The following HMGXB4 variants were observed in gnomAD, a reference collection of about 807,000 sequenced individuals.
HMGXB4 encodes HMG domain-containing protein 4.
A neutral mutation model predicts 63.9 loss-of-function variants in HMGXB4; 27 were observed. That is an observed-to-expected ratio of 0.42 (90% CI 0.31 to 0.58). The LOEUF (loss-of-function observed/expected upper bound fraction) is 0.58, where lower values mean the gene tolerates loss of function less well. HMGXB4 is among the 20% of genes least tolerant of loss of function. HMGXB4 has a pLI of 0.13. For missense variants in HMGXB4, 624 were observed against 700.7 expected (o/e 0.89, Z 1.24); for synonymous variants, 264 against 265.3 (o/e 0.99, Z 0.05).
At chr22:35,283,294 G>A (rs1924375262) in intron 5 of HMGXB4, among the ~76,000 whole-genome samples, 2 of 152,118 alleles carry the variant, frequency 1.3e-5, no homozygotes, top group Admixed American at 1.3e-4. Flanking sequence ...GAAATTATGT[G>A]GTTCAGATTT....
rs1925093717 is a variant in HMGXB4, at chr22:35,294,012, T to C, written c.*361T>C. On this transcript the variant is annotated 3_prime_UTR_variant, in exon 11 of 11. Transcript: ENST00000216106. ...TTTATGGACAGCTAAAATGTGATTA[T>C]TTTCCAAGCTCAGTTGGACCTCCAG... 1 of 158,800 alleles carries C rather than the reference T, an allele frequency of 6.3e-6. No homozygotes were observed. The highest frequency in any genetic ancestry group is 2.4e-5 in the African/African-American group (1 of 41,646). The allele number at this position is 158,800 out of a possible 1,614,324, so 9.8% of individuals were successfully genotyped here. A position where few individuals can be genotyped will look rare whatever the true frequency, so the allele number is the denominator to read the frequency against.
chr22:35,293,305 A>G (rs1202517013), intron 10 of HMGXB4, among the ~76,000 whole-genome samples, 191 bp downstream of exon 10: 1 of 152,240 alleles, frequency 6.6e-6, no homozygotes, highest in African/African-American at 2.4e-5. Flanking sequence ...CAAGCCATTT[A>G]CCAAAACAGT....
In HMGXB4 at chr22:35,291,628, A is replaced by G. The variant is rs74622503; in HGVS notation, c.1639-1364A>G. Among the ~76,000 whole-genome samples the G allele has an allele frequency of 2.7e-3, 410 of 152,302 alleles. 1 individual carries two copies. Among genetic ancestry groups the G allele is most frequent in the African/African-American group, 9.5e-3 (396 of 41,560 alleles). On this transcript the variant is annotated intron_variant, in intron 9 of 10. Coordinates refer to ENST00000216106, the MANE Select transcript of HMGXB4 (RefSeq NM_001003681.3). ...TACTGACATTTTTGGGGTTTTAGCT[A>G]TTATCTTCCCTGTATACTAATGTTT... is the stretch of plus-strand genomic sequence containing the variant.
chr22:35,288,528 G>A, intron 9 of HMGXB4, 121 bp downstream of exon 9: 1 of 654,590 alleles, frequency 1.5e-6, no homozygotes, highest in Non-Finnish European at 2.3e-6. Flanking sequence ...ATTATGCCAG[G>A]TTCTCAGGAT....
At chr22:35,265,722 G>A (rs2146405864) in intron 5 of HMGXB4, 119 bp downstream of exon 5, 4 of 1,325,994 alleles carry the variant, frequency 3.0e-6, no homozygotes, top group South Asian at 1.6e-5. Flanking sequence ...ATGTTTGGGG[G>A]ATATGTTGGA....
At chr22:35,279,265 C>T (rs557516411) in intron 5 of HMGXB4, among the ~76,000 whole-genome samples, 4 of 150,516 alleles carry the variant, frequency 2.7e-5, no homozygotes, top group Non-Finnish European at 4.4e-5. Flanking sequence ...TCTCCTGCCT[C>T]AGCCTCCCGA....
chr22:35,283,870 G>C (rs1165302842), intron 5 of HMGXB4, 92 bp from the exon 6 acceptor site: 1 of 864,906 alleles, frequency 1.2e-6, no homozygotes. Context: ...AAAAAGTTTA[G>C]GTATCCTTCT....
At chr22:35,290,211 G>A (rs1196008783) in intron 9 of HMGXB4, among the ~76,000 whole-genome samples, 2 of 152,162 alleles carry the variant, frequency 1.3e-5, no homozygotes, top group Non-Finnish European at 2.9e-5. Flanking sequence ...AGCGTATTCT[G>A]AATTTTCCCA....
chr22:35,278,877 C>CAA (rs35984118), intron 5 of HMGXB4, among the ~76,000 whole-genome samples: 5 of 108,412 alleles, frequency 4.6e-5, no homozygotes, highest in South Asian at 2.6e-4. Context: ...TGCATCTCTA[C>CAA]AAAAAAAAAA....
chr22:35,290,044 T>C (rs1924830771), intron 9 of HMGXB4, among the ~76,000 whole-genome samples: 1 of 152,230 alleles, frequency 6.6e-6, no homozygotes, highest in African/African-American at 2.4e-5. Flanking sequence ...CTAAAAATTT[T>C]AGCAGTAGTC....
rs2145581451 is a variant in HMGXB4, at chr22:35,295,350, A to C, written c.*1699A>C. 1 of 152,734 alleles carries C rather than the reference A, an allele frequency of 6.5e-6. No individual in the cohort carries two copies. The highest frequency in any genetic ancestry group is 1.5e-5 in the Non-Finnish European group (1 of 68,038). 9.5% of individuals were successfully genotyped at this position (152,734 alleles called of 1,614,324 possible). A position where few individuals can be genotyped will look rare whatever the true frequency, so the allele number is the denominator to read the frequency against. On this transcript the variant is annotated 3_prime_UTR_variant, in exon 11 of 11. Coordinates refer to ENST00000216106, the MANE Select transcript of HMGXB4 (RefSeq NM_001003681.3). ...GAGAAACAGGATTGTTTGAGAACCA[A>C]AATCAAGAGGAACAGAAATCTTAAC...
intron 5 of HMGXB4, among the ~76,000 whole-genome samples, chr22:35,281,120 G>T (rs969353191): frequency 6.6e-6 from 1 of 152,068 alleles, no homozygotes; most frequent in South Asian, 2.1e-4. Context: ...TACTACCTTT[G>T]AAATCTTAGT....
At chr22:35,256,906 C>A (rs1227361694), upstream of HMGXB4, among the ~76,000 whole-genome samples, 1 of 152,232 alleles carries the variant, frequency 6.6e-6, no homozygotes, top group Non-Finnish European at 1.5e-5. Context: ...TATATGACAT[C>A]TCTTCCTCTC....
intron 2 of HMGXB4, 158 bp from the exon 3 acceptor site, chr22:35,262,920 T>G: frequency 1.5e-6 from 1 of 686,548 alleles, no homozygotes; most frequent in South Asian, 1.8e-5. Flanking sequence ...TCAAGAAATA[T>G]TCTGTTCCCC....
chr22:35,280,873 A>G (rs1248197141), intron 5 of HMGXB4, among the ~76,000 whole-genome samples: 1 of 152,218 alleles, frequency 6.6e-6, no homozygotes, highest in Non-Finnish European at 1.5e-5. Flanking sequence ...CACTTCCTCC[A>G]GAAGGCTTTC....
In HMGXB4 at chr22:35,265,561, G is replaced by C; in HGVS notation, c.1173G>C (p.Lys391Asn). Residue 391 changes from lysine (K) to asparagine (N), a missense_variant, in exon 5 of 11, where the codon AAG (lysine) becomes AAC (asparagine). Physicochemically the swap from Lys to Asn is moderately conservative, Grantham distance 94. Around this residue, in one of 2 missense-constraint regions of HMGXB4, gnomAD observed 472 missense variants for 470.6 expected, o/e 1.00. Coordinates refer to ENST00000216106, the MANE Select transcript of HMGXB4 (RefSeq NM_001003681.3). Reference sequence around the variant, plus strand: ...CAGATGGGCATAGTGAAAAAAAAAAGAAAAAAGAAGAGAAGGACAAAGAGA... The same window carrying C: ...CAGATGGGCATAGTGAAAAAAAAAACAAAAAAGAAGAGAAGGACAAAGAGA... ...LHTDGHSEKK[K>N]KKEEKDKERE... 6.3e-7 allele frequency: 1 copy of C among 1,588,404 alleles called. No individual in the cohort carries two copies. Among genetic ancestry groups the C allele is most frequent in the Non-Finnish European group, 8.5e-7 (1 of 1,171,296 alleles).
At chr22:35,287,785 C>T (rs1410839410) in intron 8 of HMGXB4, among the ~76,000 whole-genome samples, 5 of 152,122 alleles carry the variant, frequency 3.3e-5, no homozygotes, top group African/African-American at 1.2e-4. Context: ...CCCGTCTCTA[C>T]TGAAAATACA....
chr22:35,287,113 C>T, intron 7 of HMGXB4: 1 of 440,446 alleles, frequency 2.3e-6, no homozygotes, highest in Non-Finnish European at 4.2e-6. Flanking sequence ...AAAATCAGTG[C>T]CGAGATTTGA....
intron 5 of HMGXB4, among the ~76,000 whole-genome samples, chr22:35,279,975 G>A (rs1924146431): frequency 1.3e-5 from 2 of 152,012 alleles, no homozygotes; most frequent in South Asian, 4.2e-4. Flanking sequence ...CTGGGTCTGT[G>A]GCCTCTTCAT....
Sources: allele counts gnomAD v4.1 joint callset (sites outside exome capture counted in the v4.1 genomes callset), GRCh38; gene constraint gnomAD v4.1.1; regional missense constraint gnomAD v4.1.1; transcripts MANE v1.5; gene names NCBI Gene and HGNC (gene_info 2026-07-23, HGNC 2026-07-21).